Variants in KCTD8 observed in about 807,000 individuals in gnomAD.
The protein encoded by KCTD8 is potassium channel tetramerization domain containing 8.
In KCTD8, 27 loss-of-function variants were observed where a neutral mutation model predicts 31.5. The ratio of observed to expected loss-of-function variants is 0.86; its 90% confidence interval spans 0.63 to 1.18. The LOEUF is 1.18. Among genes scored for constraint, KCTD8 ranks in the 50% most tolerant of loss-of-function variants. The pLI, the probability that KCTD8 is intolerant of heterozygous loss-of-function variation, is 0.00. For missense variants in KCTD8, 658 were observed against 647.7 expected (o/e 1.02, Z -0.17); for synonymous variants, 290 against 280.0 (o/e 1.04, Z -0.36).
chr4:44,346,314 T>C (rs1002762581), intron 1 of KCTD8, among the ~76,000 whole-genome samples: 2 of 152,168 alleles, frequency 1.3e-5, no homozygotes, highest in African/African-American at 2.4e-5. Flanking sequence ...AAGATATTTA[T>C]TGGGGAAATA....
chr4:44,405,290 G>A (rs1045350214), intron 1 of KCTD8, among the ~76,000 whole-genome samples: 9 of 151,932 alleles, frequency 5.9e-5, no homozygotes, highest in East Asian at 5.8e-4. Context: ...ACGGAGTCTC[G>A]CTCTGTCGCC....
intron 1 of KCTD8, among the ~76,000 whole-genome samples, chr4:44,181,480 G>C (rs925841594): frequency 6.6e-6 from 1 of 152,264 alleles, no homozygotes; most frequent in Admixed American, 6.5e-5. Context: ...GCTCCTAACC[G>C]CGAGTGATCT....
intron 1 of KCTD8, among the ~76,000 whole-genome samples, chr4:44,347,778 G>A (rs1213807100): frequency 6.6e-6 from 1 of 152,132 alleles, no homozygotes; most frequent in Non-Finnish European, 1.5e-5. Context: ...AAAATCAGCT[G>A]TGAATTTAGC....
At chr4:44,299,937 G>C (rs1022468923) in intron 1 of KCTD8, among the ~76,000 whole-genome samples, 19 of 151,802 alleles carry the variant, frequency 1.3e-4, no homozygotes, top group African/African-American at 4.6e-4. Context: ...ATTTTTAGTA[G>C]AGACGGGGTT....
chr4:44,277,062 T>C (rs547810201), intron 1 of KCTD8, among the ~76,000 whole-genome samples: 2 of 151,824 alleles, frequency 1.3e-5, no homozygotes, highest in Admixed American at 6.6e-5. Flanking sequence ...GAAAATTAAA[T>C]GAATTAGTAC....
intron 1 of KCTD8, among the ~76,000 whole-genome samples, chr4:44,429,861 G>A (rs1366463163): frequency 1.3e-5 from 2 of 151,642 alleles, no homozygotes; most frequent in Admixed American, 6.6e-5. Flanking sequence ...GAACAGAAGG[G>A]ACGTCAGATA....
intron 1 of KCTD8, among the ~76,000 whole-genome samples, chr4:44,255,042 A>T (rs972096402): frequency 2.0e-5 from 3 of 151,952 alleles, no homozygotes; most frequent in African/African-American, 7.2e-5. Flanking sequence ...TTCAAAACTT[A>T]GATGAGTATA....
intron 1 of KCTD8, among the ~76,000 whole-genome samples, chr4:44,357,518 G>A (rs1265777281): frequency 2.0e-5 from 3 of 152,134 alleles, no homozygotes; most frequent in African/African-American, 7.2e-5. Context: ...TTCAGAGTGT[G>A]AAGGGTCACT....
chr4:44,217,108 A>C (rs1014148723), intron 1 of KCTD8, among the ~76,000 whole-genome samples: 1 of 152,302 alleles, frequency 6.6e-6, no homozygotes, highest in South Asian at 2.1e-4. Flanking sequence ...GGGTCATCCT[A>C]CTATGCAGAG....
At chr4:44,443,918 C>T (rs1303594355) in intron 1 of KCTD8, among the ~76,000 whole-genome samples, 2 of 152,134 alleles carry the variant, frequency 1.3e-5, no homozygotes, top group Admixed American at 1.3e-4. Context: ...TGACACTCAG[C>T]AGACATCTCT....
intron 1 of KCTD8, among the ~76,000 whole-genome samples, chr4:44,274,453 T>C (rs1716696640): frequency 6.6e-6 from 1 of 151,940 alleles, no homozygotes; most frequent in South Asian, 2.1e-4. Context: ...AGTTTTTCCA[T>C]GAACTGATAA....
chr4:44,232,398 T>C (rs1362918046), intron 1 of KCTD8, among the ~76,000 whole-genome samples: 2 of 152,120 alleles, frequency 1.3e-5, no homozygotes, highest in Non-Finnish European at 2.9e-5. Flanking sequence ...AAACTCACTC[T>C]TCTGTCCTCT....
chr4:44,313,586 T>C (rs1023212121), intron 1 of KCTD8, among the ~76,000 whole-genome samples: 1 of 152,192 alleles, frequency 6.6e-6, no homozygotes, highest in Non-Finnish European at 1.5e-5. Flanking sequence ...AATTAGTAAT[T>C]GCCGTTCATT....
chr4:44,371,496 G>A (rs989732043), intron 1 of KCTD8, among the ~76,000 whole-genome samples: 8 of 152,078 alleles, frequency 5.3e-5, no homozygotes, highest in East Asian at 1.9e-4. Context: ...AGTGGTAGAC[G>A]GATGAATGGA....
intron 1 of KCTD8, among the ~76,000 whole-genome samples, chr4:44,301,506 A>G (rs1717622208): frequency 6.6e-6 from 1 of 152,184 alleles, no homozygotes; most frequent in Non-Finnish European, 1.5e-5. Flanking sequence ...TTGGCTGCAT[A>G]AATGTCTTCT....
intron 1 of KCTD8, among the ~76,000 whole-genome samples, chr4:44,398,844 G>T (rs1462295799): frequency 6.6e-6 from 1 of 152,140 alleles, no homozygotes; most frequent in East Asian, 1.9e-4. Flanking sequence ...AGCACGGGTG[G>T]TTTCAGGATG....
In KCTD8 at chr4:44,385,391, A is replaced by G. The variant is rs1219480178; in HGVS notation, c.961+62172T>C. On this transcript the variant is annotated intron_variant, in intron 1 of 1. Transcript: ENST00000360029. ...GAAATAGAATAGAAAGCCTAGAAAT[A>G]AACCCTTACTTATACGGTAAAATGA... Among the ~76,000 whole-genome samples the G allele has an allele frequency of 5.3e-5, 8 of 151,752 alleles. No individual in the cohort carries two copies. In the East Asian group the frequency reaches 1.5e-3, roughly 29 times the overall value.
intron 1 of KCTD8, among the ~76,000 whole-genome samples, chr4:44,284,268 T>C (rs1237568045): frequency 6.6e-6 from 1 of 152,138 alleles, no homozygotes; most frequent in African/African-American, 2.4e-5. Flanking sequence ...ATGGTACTGG[T>C]ACCAAAACAA....
At chr4:44,241,446 T>C (rs1715454064) in intron 1 of KCTD8, among the ~76,000 whole-genome samples, 1 of 152,198 alleles carries the variant, frequency 6.6e-6, no homozygotes. Context: ...TTCTTTACGA[T>C]TATCTCTATT....
Sources: gnomAD v4.1 joint callset for allele counts (sites outside exome capture counted in the v4.1 genomes callset) on GRCh38, gnomAD v4.1.1 for gene constraint, MANE v1.5 for transcripts, NCBI Gene and HGNC (gene_info 2026-07-23, HGNC 2026-07-21) for gene names.